The following KCNQ5 variants were observed in gnomAD, a reference collection of about 807,000 sequenced individuals.
KCNQ5 encodes potassium voltage-gated channel subfamily KQT member 5.
A neutral mutation model predicts 98.2 loss-of-function variants in KCNQ5; 30 were observed. The ratio of observed to expected loss-of-function variants is 0.31; its 90% CI spans 0.23 to 0.41. KCNQ5 has a LOEUF of 0.41. Ranked by LOEUF, KCNQ5 falls within the 10% of genes least tolerant of loss-of-function variation. The probability of loss-of-function intolerance (pLI) is 1.00; values close to 1 mark genes in which losing one functional copy is unlikely to be tolerated. For synonymous variants in KCNQ5, 458 were observed against 449.4 expected (o/e 1.02, Z -0.24); for missense variants, 835 against 1,182.5 (o/e 0.71, Z 4.31).
chr6:73,194,952 C>T lies in KCNQ5; in HGVS notation c.2337C>T (p.Asp779=), dbSNP rs779824484. The part of the protein sequence containing the change: ...NPAGLQESIS[D]VTTCLVASKE... ...CAGGCTTACAGGAAAGCATTTCTGA[C>T]GTCACCACCTGCCTTGTTGCCTCCA... Residue 779 remains aspartate, a synonymous_variant, in exon 14 of 14, where the codon GAC becomes GAT. Coordinates refer to ENST00000370398, the MANE Select transcript of KCNQ5 (RefSeq NM_019842.4). 119 of 1,614,076 alleles carry T rather than the reference C, an allele frequency of 7.4e-5. 2 individuals carry two copies. The South Asian group carries it at 9.0e-4, about 12-fold the overall frequency.
In KCNQ5 at chr6:72,845,294, C is replaced by T. The variant is rs73545811; in HGVS notation, c.399-158614C>T. Among the ~76,000 whole-genome samples the T allele has an allele frequency of 4.5e-3, 692 of 152,218 alleles. 6 individuals are homozygous for T. The highest frequency in any genetic ancestry group is 0.016 in the African/African-American group (652 of 41,538). ...CTCCAGAGTCTTGTCCTAATGAACA[C>T]TAAGATAGAGCATCACCAACCCATG... On this transcript the variant is annotated intron_variant, in intron 1 of 13. Coordinates refer to ENST00000370398, the MANE Select transcript of KCNQ5 (RefSeq NM_019842.4).
At chr6:72,788,157 C>T (rs964087639) in intron 1 of KCNQ5, among the ~76,000 whole-genome samples, 1 of 152,102 alleles carries the variant, frequency 6.6e-6, no homozygotes. Flanking sequence ...GAAAAAAATA[C>T]AGGAGGAATT....
chr6:72,788,083 T>A (rs1773852558), intron 1 of KCNQ5, among the ~76,000 whole-genome samples: 1 of 152,190 alleles, frequency 6.6e-6, no homozygotes. Context: ...CTTAAGTGTT[T>A]GGTGGATGGG....
intron 1 of KCNQ5, among the ~76,000 whole-genome samples, chr6:72,721,763 A>G (rs1283982697): frequency 6.6e-6 from 1 of 152,182 alleles, no homozygotes; most frequent in Non-Finnish European, 1.5e-5. Context: ...TACTTTAATC[A>G]TGCTACTTCC....
intron 1 of KCNQ5, among the ~76,000 whole-genome samples, chr6:72,824,249 C>G (rs900133469): frequency 1.3e-5 from 2 of 151,974 alleles, no homozygotes; most frequent in Admixed American, 1.3e-4. Flanking sequence ...TATAAATGGT[C>G]TTCAGTTTTA....
chr6:72,750,220 G>A (rs924300385), intron 1 of KCNQ5, among the ~76,000 whole-genome samples: 9 of 152,080 alleles, frequency 5.9e-5, no homozygotes, highest in African/African-American at 1.9e-4. Flanking sequence ...TACTTTGTGT[G>A]TTCAAATGTA....
intron 1 of KCNQ5, among the ~76,000 whole-genome samples, chr6:72,864,267 C>G (rs1343179308): frequency 6.6e-6 from 1 of 152,164 alleles, no homozygotes; most frequent in African/African-American, 2.4e-5. Flanking sequence ...CTCTACCCTT[C>G]CACTTTTCTT....
chr6:72,943,842 A>G (rs1282334498), intron 1 of KCNQ5, among the ~76,000 whole-genome samples: 2 of 152,256 alleles, frequency 1.3e-5, no homozygotes, highest in Non-Finnish European at 2.9e-5. Flanking sequence ...GGCACTGTGC[A>G]TGAGCAAGAG....
rs191412021 is a variant in KCNQ5 at position 72,717,483 on chromosome 6, C to G, written c.398+94896C>G. 2.5e-3 allele frequency among the ~76,000 whole-genome samples: 377 copies of G among 152,264 alleles called. 3 individuals carry two copies. The highest frequency in any genetic ancestry group is 3.9e-3 in the Non-Finnish European group (266 of 68,018). ...TTGAAAAGAGAAATGGGTGACCACT[C>G]TAGATTTCACAGGAATTAATTACCA... On this transcript the variant is annotated intron_variant, in intron 1 of 13. Coordinates refer to ENST00000370398, the MANE Select transcript of KCNQ5 (RefSeq NM_019842.4).
chr6:73,008,950 A>T (rs1256676381), intron 2 of KCNQ5, among the ~76,000 whole-genome samples: 1 of 152,196 alleles, frequency 6.6e-6, no homozygotes, highest in Non-Finnish European at 1.5e-5. Context: ...CAATAACAGA[A>T]GTAAAACTGG....
rs533698165 is a variant in KCNQ5 at position 72,906,016 on chromosome 6, G to A, written c.399-97892G>A. On this transcript the variant is annotated intron_variant, in intron 1 of 13. Transcript: ENST00000370398. The stretch of plus-strand genomic sequence containing the variant: ...TGGGTGGGTAGGGAAAGACCATCAG[G>A]TGGGGGCAGGGCTAAGCATGTCTGA... Among the ~76,000 whole-genome samples, 8 of 151,968 alleles carry A rather than the reference G, an allele frequency of 5.3e-5. No homozygotes were observed. The South Asian group carries it at 8.3e-4, about 16-fold the overall frequency.
chr6:73,045,648 A>T (rs985509566), intron 3 of KCNQ5, among the ~76,000 whole-genome samples: 3 of 152,178 alleles, frequency 2.0e-5, no homozygotes, highest in African/African-American at 7.2e-5. Context: ...TCTAAGACTG[A>T]TTTCATAGTC....
Position 72,856,129 on chromosome 6 carries a change from T to C in KCNQ5, c.399-147779T>C, listed in dbSNP as rs1777522088. On this transcript the variant is annotated intron_variant, in intron 1 of 13. Transcript: ENST00000370398. The stretch of plus-strand genomic sequence containing the variant: ...GTTAGCAATTCTGTTGTTTCTATCA[T>C]TGACTTTTTCCATCTTTCTTCAAGC... Among the ~76,000 whole-genome samples the C allele has an allele frequency of 3.3e-5, 5 of 152,232 alleles. No individual in the cohort carries two copies. In the South Asian group the frequency reaches 8.3e-4, roughly 25 times the overall value.
At chr6:73,122,518 C>A (rs570911024) in intron 8 of KCNQ5, among the ~76,000 whole-genome samples, 1 of 152,290 alleles carries the variant, frequency 6.6e-6, no homozygotes, top group East Asian at 1.9e-4. Flanking sequence ...GCCTTTCCCT[C>A]ACTTTCCTTT....
chr6:72,666,593 C>T (rs1354450009), intron 1 of KCNQ5, among the ~76,000 whole-genome samples: 1 of 151,828 alleles, frequency 6.6e-6, no homozygotes, highest in Non-Finnish European at 1.5e-5. Context: ...GAAATTATAC[C>T]TAATGGCTAA....
chr6:73,186,095 G>T lies in KCNQ5; in HGVS notation c.1578-4478G>T, dbSNP rs941282477. On this transcript the variant is annotated intron_variant, in intron 11 of 13. Coordinates refer to ENST00000370398, the MANE Select transcript of KCNQ5 (RefSeq NM_019842.4). Reference sequence around the variant, plus strand: ...AATATAAAAATTAACCGGTGTGGGGGTATCTCCTTGTAGGCCCAGCTACTT... The same window carrying T: ...AATATAAAAATTAACCGGTGTGGGGTTATCTCCTTGTAGGCCCAGCTACTT... Among the ~76,000 whole-genome samples the T allele has an allele frequency of 3.3e-5, 5 of 152,216 alleles. No individual in the cohort carries two copies. The East Asian group carries it at 5.8e-4, about 18-fold the overall frequency.
At chr6:72,978,754 T>G (rs1036445958) in intron 1 of KCNQ5, among the ~76,000 whole-genome samples, 2 of 152,264 alleles carry the variant, frequency 1.3e-5, no homozygotes, top group Non-Finnish European at 1.5e-5. Flanking sequence ...TGTATACATG[T>G]GCCGTGTTGG....
chr6:72,881,115 G>C (rs1228130331), intron 1 of KCNQ5, among the ~76,000 whole-genome samples: 1 of 152,170 alleles, frequency 6.6e-6, no homozygotes, highest in Non-Finnish European at 1.5e-5. Context: ...TTTTATATTT[G>C]TATTGTACTT....
chr6:72,976,293 T>C (rs1325942061), intron 1 of KCNQ5, among the ~76,000 whole-genome samples: 1 of 152,176 alleles, frequency 6.6e-6, no homozygotes, highest in Admixed American at 6.6e-5. Context: ...GGAAAAATGA[T>C]TCCGGCCAGA....
Sources: gnomAD v4.1 joint callset for allele counts (sites outside exome capture counted in the v4.1 genomes callset) on GRCh38, gnomAD v4.1.1 for gene constraint, MANE v1.5 for transcripts, NCBI Gene and HGNC (gene_info 2026-07-23, HGNC 2026-07-21) for gene names.